The following CADM2 variants were observed in gnomAD, a reference collection of about 807,000 sequenced individuals.
CADM2 encodes the protein cell adhesion molecule 2, also known as immunoglobulin superfamily member 4D.
In CADM2, 12 loss-of-function variants were observed where a neutral mutation model predicts 49.8. The ratio of observed to expected loss-of-function variants is 0.24; its 90% CI spans 0.15 to 0.39. CADM2 has a LOEUF of 0.39. Among genes scored for constraint, CADM2 ranks in the 10% least tolerant of loss-of-function variants. CADM2 has a pLI of 1.00. For synonymous variants in CADM2, 214 were observed against 175.4 expected (o/e 1.22, Z -1.74); for missense variants, 378 against 492.3 (o/e 0.77, Z 2.20).
intron 2 of CADM2, among the ~76,000 whole-genome samples, chr3:85,740,275 T>G (rs992934876): frequency 2.0e-5 from 3 of 152,220 alleles, no homozygotes; most frequent in African/African-American, 7.2e-5. Context: ...TTCCATAGGT[T>G]AACTGATTGT....
At chr3:85,743,883 T>G (rs532030332) in intron 2 of CADM2, among the ~76,000 whole-genome samples, 1 of 152,270 alleles carries the variant, frequency 6.6e-6, no homozygotes, top group African/African-American at 2.4e-5. Flanking sequence ...AATAAATATA[T>G]ATTTAAGTAG....
At chr3:85,039,574 A>C (rs1396480365) in intron 1 of CADM2, among the ~76,000 whole-genome samples, 1 of 152,210 alleles carries the variant, frequency 6.6e-6, no homozygotes, top group African/African-American at 2.4e-5. Flanking sequence ...GACATACAAC[A>C]TACAAACATT....
intron 3 of CADM2, among the ~76,000 whole-genome samples, chr3:85,824,623 A>G (rs377418642): frequency 6.6e-5 from 10 of 152,040 alleles, no homozygotes; most frequent in African/African-American, 2.4e-4. Context: ...AGCACATGGA[A>G]AGGGAAAATC....
intron 8 of CADM2, among the ~76,000 whole-genome samples, chr3:86,001,014 G>A (rs1399786502): frequency 6.6e-6 from 1 of 152,130 alleles, no homozygotes; most frequent in African/African-American, 2.4e-5. Context: ...ATGCTGATAA[G>A]GGTTTAGACT....
At chr3:85,727,584 C>T (rs1459520765) in intron 2 of CADM2, among the ~76,000 whole-genome samples, 8 of 152,080 alleles carry the variant, frequency 5.3e-5, no homozygotes, top group Admixed American at 5.2e-4. Context: ...CACAGCAATT[C>T]AGAAATTATT....
chr3:85,767,763 G>C (rs779436287), intron 2 of CADM2, among the ~76,000 whole-genome samples: 29 of 152,080 alleles, frequency 1.9e-4, no homozygotes, highest in Non-Finnish European at 7.4e-5. Flanking sequence ...TAAAAAGTGG[G>C]TTACAGAAGG....
intron 3 of CADM2, among the ~76,000 whole-genome samples, chr3:85,838,543 G>A (rs550189157): frequency 3.0e-4 from 45 of 151,782 alleles, no homozygotes; most frequent in African/African-American, 1.0e-3. Flanking sequence ...TTTATTTGAG[G>A]TGCTCTGGTT....
chr3:85,855,470 T>A (rs2075269843), intron 3 of CADM2, among the ~76,000 whole-genome samples: 1 of 151,664 alleles, frequency 6.6e-6, no homozygotes, highest in Non-Finnish European at 1.5e-5. Flanking sequence ...CAATCTTCCC[T>A]TTTTGACATA....
At chr3:86,062,831 T>G (rs1738848045) in intron 8 of CADM2, among the ~76,000 whole-genome samples, 1 of 151,688 alleles carries the variant, frequency 6.6e-6, no homozygotes, top group Non-Finnish European at 1.5e-5. Flanking sequence ...AGGCAGAGAT[T>G]TAGTGACCAA....
intron 1 of CADM2, among the ~76,000 whole-genome samples, chr3:85,377,549 A>G (rs929178948): frequency 4.6e-5 from 7 of 152,066 alleles, no homozygotes; most frequent in African/African-American, 1.7e-4. Context: ...TAGGAAAACC[A>G]TTAGTTTATC....
intron 3 of CADM2, among the ~76,000 whole-genome samples, chr3:85,875,651 G>A (rs1040920477): frequency 4.6e-5 from 7 of 152,130 alleles, no homozygotes; most frequent in African/African-American, 1.7e-4. Context: ...AAAAAACATG[G>A]CTAGCAGATT....
At chr3:85,674,247 T>C (rs889642167) in intron 1 of CADM2, among the ~76,000 whole-genome samples, 2 of 152,190 alleles carry the variant, frequency 1.3e-5, no homozygotes, top group Non-Finnish European at 2.9e-5. Flanking sequence ...ATGTGATCAA[T>C]ATGATAAGGA....
chr3:86,046,324 A>G (rs558288727), intron 8 of CADM2, among the ~76,000 whole-genome samples: 1 of 152,288 alleles, frequency 6.6e-6, no homozygotes, highest in East Asian at 1.9e-4. Context: ...AACACGTAGT[A>G]TCTATATATG....
intron 2 of CADM2, among the ~76,000 whole-genome samples, chr3:85,772,919 C>T (rs2070167854): frequency 8.0e-6 from 1 of 125,730 alleles, no homozygotes; most frequent in African/African-American, 3.0e-5. Flanking sequence ...CATTTTCATT[C>T]TTTTTTTTGA....
intron 1 of CADM2, among the ~76,000 whole-genome samples, chr3:85,588,445 A>G (rs1341770782): frequency 6.6e-6 from 1 of 152,062 alleles, no homozygotes; most frequent in Non-Finnish European, 1.5e-5. Flanking sequence ...GCAAGCAGCA[A>G]TAAGAGCCAG....
At chr3:85,898,688 G>A (rs1212796739) in intron 5 of CADM2, among the ~76,000 whole-genome samples, 9 of 150,572 alleles carry the variant, frequency 6.0e-5, no homozygotes, top group South Asian at 2.1e-4. Context: ...GGATACATAC[G>A]CCACAATTAG....
chr3:85,000,148 C>CTCTCTCTCTCTCTCTCTCTCTCT (rs11275888), intron 1 of CADM2, among the ~76,000 whole-genome samples: 3 of 150,926 alleles, frequency 2.0e-5, no homozygotes, highest in Admixed American at 1.3e-4. Flanking sequence ...CTCTCTCTCT[C>CTCTCTCTCTCTCTCTCTCTCTCT]CCTGCCCCAG....
chr3:85,764,293 A>G (rs560680257), intron 2 of CADM2, among the ~76,000 whole-genome samples: 2 of 152,272 alleles, frequency 1.3e-5, no homozygotes, highest in South Asian at 2.1e-4. Flanking sequence ...AGTTAAAAAT[A>G]AAATTAATAA....
chr3:85,151,356 G>A (rs1374997592), intron 1 of CADM2, among the ~76,000 whole-genome samples: 1 of 151,498 alleles, frequency 6.6e-6, no homozygotes, highest in Non-Finnish European at 1.5e-5. Flanking sequence ...ACTTACTTGA[G>A]ATGGCCTTTT....
Sources: allele counts gnomAD v4.1 joint callset (sites outside exome capture counted in the v4.1 genomes callset), GRCh38; gene constraint gnomAD v4.1.1; transcripts MANE v1.5; gene names NCBI Gene and HGNC (gene_info 2026-07-23, HGNC 2026-07-21).